ACSM3: variants seen among roughly 807,000 people sequenced by gnomAD.
ACSM3 encodes acyl-coenzyme A synthetase ACSM3, mitochondrial.
In ACSM3, 61 loss-of-function variants were observed where a neutral mutation model predicts 74.1. That is an observed-to-expected ratio of 0.82 (90% CI 0.67 to 1.02). The LOEUF (loss-of-function observed/expected upper bound fraction) is 1.02, where lower values mean the gene tolerates loss of function less well. Among genes scored for constraint, ACSM3 ranks in the 50% least tolerant of loss-of-function variants. The pLI is 0.00. For synonymous variants in ACSM3, 213 were observed against 241.5 expected (o/e 0.88, Z 1.09); for missense variants, 660 against 697.0 (o/e 0.95, Z 0.60).
intron 9 of ACSM3, among the ~76,000 whole-genome samples, chr16:20,787,586 A>C (rs1186484131): frequency 6.6e-6 from 1 of 152,204 alleles, no homozygotes; most frequent in Middle Eastern, 3.2e-3. Flanking sequence ...GCACCCCCCA[A>C]GTAGTTTTTA....
At chr16:20,685,882 G>A (rs544976353) in intron 1 of ACSM3, among the ~76,000 whole-genome samples, 1 of 151,040 alleles carries the variant, frequency 6.6e-6, no homozygotes, top group African/African-American at 2.4e-5. Flanking sequence ...GTTTAGGGGT[G>A]GAGCGGGACT....
At chr16:20,675,929 A>C (rs1257285255) in intron 1 of ACSM3, among the ~76,000 whole-genome samples, 3 of 152,230 alleles carry the variant, frequency 2.0e-5, no homozygotes, top group African/African-American at 7.2e-5. Flanking sequence ...GTGAAAGCCA[A>C]AAGTAAAAGT....
intron 8 of ACSM3, among the ~76,000 whole-genome samples, chr16:20,785,401 T>G (rs1370636660): frequency 1.3e-5 from 2 of 152,128 alleles, no homozygotes; most frequent in African/African-American, 2.4e-5. Context: ...TTCCTCCCAG[T>G]GTGATAGGGA....
intron 1 of ACSM3, among the ~76,000 whole-genome samples, chr16:20,691,412 T>C (rs1178198431): frequency 6.6e-6 from 1 of 152,196 alleles, no homozygotes; most frequent in East Asian, 1.9e-4. Context: ...AGGAACCACA[T>C]GGCAGAAAAC....
In ACSM3 at chr16:20,775,922, A is replaced by T; in HGVS notation, c.303A>T (p.Gly101=). Residue 101 remains glycine, a synonymous_variant, in exon 3 of 14, where the codon GGA becomes GGT. Coordinates refer to ENST00000289416, the MANE Select transcript of ACSM3 (RefSeq NM_005622.4). The part of the protein sequence containing the change: ...EEMRWSFEEL[G]SLSRKFANIL... ...TGCGATGGAGTTTTGAGGAACTGGG[A>T]TCTCTGTCCAGAAAATTTGCCAATA... 1 of 1,614,180 alleles carries T rather than the reference A, an allele frequency of 6.2e-7. No individual in the cohort carries two copies. The highest frequency in any genetic ancestry group is 8.5e-7 in the Non-Finnish European group (1 of 1,180,040).
At chr16:20,728,629 C>A in intron 1 of ACSM3, 1 of 365,706 alleles carries the variant, frequency 2.7e-6, no homozygotes, top group Non-Finnish European at 5.0e-6. Context: ...TATCACCTAT[C>A]ACCTGAGTAC....
Position 20,775,997 on chromosome 16 carries a change from T to C in ACSM3, c.378T>C (p.Ile126=). The C allele has an allele frequency of 6.2e-7, 1 of 1,614,200 alleles. No homozygotes were observed. Among genetic ancestry groups the C allele is most frequent in the Non-Finnish European group, 8.5e-7 (1 of 1,180,036 alleles). The change falls in exon 3 of 14, where the codon ATT becomes ATC. Residue 126 remains isoleucine, a synonymous_variant. Transcript: ENST00000289416. Reference sequence around the variant, plus strand: ...AAAGAGGAGATCGGGTAATTCTGATTCTGCCCAGGGTCCCAGAGTGGTGGC... The same window carrying C: ...AAAGAGGAGATCGGGTAATTCTGATCCTGCCCAGGGTCCCAGAGTGGTGGC... ...SLQRGDRVIL[I]LPRVPEWWLA...
At position 20,742,815 on chromosome 16, in the gene ACSM3, T is replaced by TA. The variant is rs1567334289; in HGVS notation, c.-189-7095_-189-7094insA. ...TAAATATATATATATATATATATATTTTTTTTTTTTCCCTTCTCCCCTTCC... is the reference window on the plus strand; with the variant it reads ...TAAATATATATATATATATATATATTATTTTTTTTTTCCCTTCTCCCCTTCC... On this transcript the variant is annotated intron_variant, in intron 1 of 3. Transcript: ENST00000561584. 3.6e-3 allele frequency among the ~76,000 whole-genome samples: 170 copies of TA among 47,088 alleles called. 1 individual carries two copies. Among genetic ancestry groups the TA allele is most frequent in the South Asian group, 6.7e-3 (10 of 1,490 alleles). The allele number at this position is 47,088 out of a possible 152,430, so 30.9% of individuals were successfully genotyped here.
intron 1 of ACSM3, among the ~76,000 whole-genome samples, chr16:20,716,259 G>C (rs2079761080): frequency 6.6e-6 from 1 of 152,156 alleles, no homozygotes; most frequent in African/African-American, 2.4e-5. Context: ...AAGAATTTTT[G>C]TATAGGGATT....
rs1295213944 is a variant in ACSM3, at chr16:20,738,924, C to T, written c.-189-10986C>T. ...ATCCCAAGTGTCCTGATGAAGACAA[C>T]GTTATTTGCTCCACTTTCCACTGAC... On this transcript the variant is annotated intron_variant, in intron 1 of 3. Coordinates refer to the ACSM3 transcript ENST00000561584. 14 of 1,614,058 alleles carry T rather than the reference C, an allele frequency of 8.7e-6. No homozygotes were observed. The highest frequency in any genetic ancestry group is 1.7e-5 in the Admixed American group (1 of 59,996).
At chr16:20,685,173 G>C (rs374365200) in intron 1 of ACSM3, 32 of 1,613,704 alleles carry the variant, frequency 2.0e-5, no homozygotes, top group Non-Finnish European at 2.7e-5. Flanking sequence ...GGTCCACCAG[G>C]TCCCTCTTGC....
In ACSM3 at chr16:20,781,715, C is replaced by T; in HGVS notation, c.947C>T (p.Ser316Phe). The T allele has an allele frequency of 6.2e-7, 1 of 1,612,348 alleles. No individual in the cohort carries two copies. Among genetic ancestry groups the T allele is most frequent in the Non-Finnish European group, 8.5e-7 (1 of 1,178,454 alleles). Residue 316 changes from serine to phenylalanine, a missense_variant, in exon 7 of 14, where the codon TCC becomes TTC. Transcript: ENST00000289416. ...GCTTTTTCTAAATTGCAGACACTCT[C>T]CAAGTACCCCATCACAGTCTTCTGT... Reference protein sequence around the residue: ...FEPTSILQTLSKYPITVFCSA... With the variant: ...FEPTSILQTLFKYPITVFCSA...
At chr16:20,727,245 C>A in intron 1 of ACSM3, 1 of 442,320 alleles carries the variant, frequency 2.3e-6, no homozygotes, top group South Asian at 1.7e-5. Context: ...ACTTGCCTCT[C>A]CTAGCTTCTA....
At chr16:20,786,222 T>A (rs1390255427) in intron 9 of ACSM3, 64 bp downstream of exon 9, 1 of 1,559,642 alleles carries the variant, frequency 6.4e-7, no homozygotes, top group Non-Finnish European at 8.7e-7. Context: ...TACCTACCGC[T>A]TACCCCCATA....
intron 5 of ACSM3, 21 bp downstream of exon 5, chr16:20,780,878 A>G: frequency 1.2e-6 from 2 of 1,613,986 alleles, no homozygotes; most frequent in Non-Finnish European, 1.7e-6. Context: ...ACAAAAGTGC[A>G]GCTTGAAGTG....
At chr16:20,723,825 T>C (rs1004385114) in intron 1 of ACSM3, among the ~76,000 whole-genome samples, 14 of 152,232 alleles carry the variant, frequency 9.2e-5, no homozygotes, top group African/African-American at 3.4e-4. Flanking sequence ...TCCCATTCTG[T>C]AGGTTGCCTG....
intron 1 of ACSM3, chr16:20,741,481 G>GGGGGGGGGCCCCC: frequency 7.6e-7 from 1 of 1,308,412 alleles, no homozygotes; most frequent in Non-Finnish European, 9.9e-7. Flanking sequence ...CTGGCAGCCG[G>GGGGGGGGGCCCCC]CCCGCCCGCC....
chr16:20,676,214 A>G (rs986199862), intron 1 of ACSM3: 17 of 152,284 alleles, frequency 1.1e-4, no homozygotes, highest in Non-Finnish European at 2.1e-4. Context: ...CGCCCAAGTT[A>G]TGCTTATGCC....
chr16:20,777,815 G>T (rs1476253444), intron 4 of ACSM3, among the ~76,000 whole-genome samples: 1 of 152,188 alleles, frequency 6.6e-6, no homozygotes, highest in Non-Finnish European at 1.5e-5. Context: ...GTTTATTAAG[G>T]AGTTCTTTTG....
Sources: allele counts gnomAD v4.1 joint callset (sites outside exome capture counted in the v4.1 genomes callset), GRCh38; gene constraint gnomAD v4.1.1; transcripts MANE v1.5; gene names NCBI Gene and HGNC (gene_info 2026-07-23, HGNC 2026-07-21).